Variants in NOX4 observed in about 807,000 individuals in gnomAD.
The protein encoded by NOX4 is NADPH oxidase 4, also known as kidney oxidase-1.
A neutral mutation model predicts 87.6 loss-of-function variants in NOX4; 69 were observed. The observed-to-expected ratio is 0.79, with a 90% confidence interval of 0.65 to 0.96. NOX4 has a LOEUF of 0.96. Ranked by LOEUF, NOX4 falls within the 40% of genes least tolerant of loss-of-function variation. The pLI, the probability that NOX4 is intolerant of heterozygous loss-of-function variation, is 0.00. For synonymous variants in NOX4, 275 were observed against 238.2 expected, an observed-to-expected ratio of 1.15 and a Z score of -1.42; for missense variants, 680 against 681.5, an observed-to-expected ratio of 1.00 and a Z score of 0.02.
chr11:89,485,224 G>T (rs1241229754), intron 2 of NOX4, among the ~76,000 whole-genome samples: 1 of 152,054 alleles, frequency 6.6e-6, no homozygotes, highest in East Asian at 1.9e-4. Context: ...ATGCTCAAGA[G>T]CATAGATATT....
chr11:89,508,272 C>T, the NOX4 span, among the ~76,000 whole-genome samples: 2 of 152,174 alleles, frequency 1.3e-5, no homozygotes, highest in East Asian at 1.9e-4. Context: ...GTCTGTACTA[C>T]AGGTGTGATG....
chr11:89,540,927 G>T, the NOX4 span, among the ~76,000 whole-genome samples: 9 of 140,824 alleles, frequency 6.4e-5, no homozygotes, highest in Non-Finnish European at 1.2e-4. Context: ...TTAACAAACA[G>T]AATCCAAAAG....
At chr11:89,479,124 T>C (rs146578640) in intron 2 of NOX4, among the ~76,000 whole-genome samples, 428 of 152,212 alleles carry the variant, frequency 2.8e-3, no homozygotes, top group African/African-American at 9.7e-3. Flanking sequence ...TCTACAACTT[T>C]CTCATCTTAT....
chr11:89,499,640 C>T (rs1245241859), upstream of NOX4, among the ~76,000 whole-genome samples: 2 of 152,142 alleles, frequency 1.3e-5, no homozygotes, highest in African/African-American at 4.8e-5. Context: ...TGTTTCCATT[C>T]TCACAATTGG....
chr11:89,402,229 T>C (rs1941899581), intron 9 of NOX4, 97 bp downstream of exon 9: 3 of 856,196 alleles, frequency 3.5e-6, no homozygotes, highest in Non-Finnish European at 5.8e-6. Flanking sequence ...TATCCTATTA[T>C]GCATGAATAT....
At chr11:89,518,148 A>G in the NOX4 span, among the ~76,000 whole-genome samples, 1 of 152,126 alleles carries the variant, frequency 6.6e-6, no homozygotes, top group African/African-American at 2.4e-5. Context: ...GTTGAAACAC[A>G]CTTAAGAATT....
At chr11:89,501,503 T>C (rs779133674), upstream of NOX4, among the ~76,000 whole-genome samples, 3 of 152,072 alleles carry the variant, frequency 2.0e-5, no homozygotes, top group Non-Finnish European at 4.4e-5. Context: ...AAGATTGTTT[T>C]TGCTGTGGTT....
chr11:89,576,005 C>A, the NOX4 span, among the ~76,000 whole-genome samples: 1 of 152,186 alleles, frequency 6.6e-6, no homozygotes, highest in African/African-American at 2.4e-5. Context: ...GCTAACAAGA[C>A]TGTATTTCTC....
intron 8 of NOX4, among the ~76,000 whole-genome samples, chr11:89,413,680 G>A (rs1303473211): frequency 6.6e-6 from 1 of 152,080 alleles, no homozygotes; most frequent in Non-Finnish European, 1.5e-5. Flanking sequence ...CTGCGAATGA[G>A]AGGGGGAGAA....
rs1946848653 is a variant in NOX4 at position 89,491,360 on chromosome 11, G to A, written c.-114C>T. 1.0e-6 allele frequency: 1 copy of A among 1,000,074 alleles called. No homozygotes were observed. The highest frequency in any genetic ancestry group is 3.0e-5 in the Admixed American group (1 of 33,854). 62.0% of individuals were successfully genotyped at this position (1,000,074 alleles called of 1,614,324 possible). On this transcript the variant is annotated 5_prime_UTR_variant, in exon 1 of 18. Transcript: ENST00000263317. ...TGCCGGGCCGCTGAGCGAGGACCGA[G>A]GGTCAAAGACTGAGTGGAAGCCCGA...
At chr11:89,567,034 C>T in the NOX4 span, among the ~76,000 whole-genome samples, 154 of 152,258 alleles carry the variant, frequency 1.0e-3, no homozygotes, top group African/African-American at 3.6e-3. Context: ...TGCACATCCT[C>T]CAAGGCTTAC....
intron 12 of NOX4, among the ~76,000 whole-genome samples, 155 bp downstream of exon 12, chr11:89,373,277 C>CAAAAAAAAAAAAAAAAAAAAAAAAAAAA (rs144113376): frequency 1.7e-5 from 1 of 59,100 alleles, no homozygotes; most frequent in Non-Finnish European, 3.5e-5. Context: ...ACTGTACAAG[C>CAAAAAAAAAAAAAAAAAAAAAAAAAAAA]AAAAAAAAAA....
chr11:89,433,547 A>G (rs1215916042), intron 6 of NOX4, among the ~76,000 whole-genome samples: 2 of 152,008 alleles, frequency 1.3e-5, no homozygotes, highest in Admixed American at 1.3e-4. Flanking sequence ...TTCAATTTCA[A>G]TTAACTGCTT....
chr11:89,337,382 A>G (rs1343875810), intron 16 of NOX4, 65 bp downstream of exon 16: 1 of 1,600,188 alleles, frequency 6.2e-7, no homozygotes, highest in Non-Finnish European at 8.5e-7. Context: ...TTCTTCCACC[A>G]CAGCTCCTAC....
chr11:89,569,195 A>C, the NOX4 span, among the ~76,000 whole-genome samples: 24 of 152,192 alleles, frequency 1.6e-4, no homozygotes, highest in East Asian at 2.3e-3. Context: ...AAAAAAAAAA[A>C]CAAAAATGGA....
At chr11:89,373,702 A>G (rs1213943516) in intron 11 of NOX4, among the ~76,000 whole-genome samples, 2 of 152,060 alleles carry the variant, frequency 1.3e-5, no homozygotes, top group Non-Finnish European at 2.9e-5. Context: ...CTAAAACCCA[A>G]AAATACTTAT....
At chr11:89,477,736 G>A (rs1946226854) in intron 2 of NOX4, among the ~76,000 whole-genome samples, 1 of 151,504 alleles carries the variant, frequency 6.6e-6, no homozygotes, top group Admixed American at 6.6e-5. Context: ...TATAAAATGG[G>A]TCTTTTTCAT....
intron 2 of NOX4, among the ~76,000 whole-genome samples, chr11:89,477,891 T>C (rs1480579131): frequency 2.0e-5 from 3 of 152,164 alleles, no homozygotes; most frequent in Non-Finnish European, 4.4e-5. Flanking sequence ...AAATAATATA[T>C]ACTGTCATTG....
intron 17 of NOX4, among the ~76,000 whole-genome samples, chr11:89,327,453 T>A (rs569550672): frequency 6.6e-6 from 1 of 152,362 alleles, no homozygotes; most frequent in East Asian, 1.9e-4. Flanking sequence ...AGTTCTTTTT[T>A]ATTTATGCAC....
Sources: gnomAD v4.1 joint callset for allele counts (sites outside exome capture counted in the v4.1 genomes callset) on GRCh38, gnomAD v4.1.1 for gene constraint, MANE v1.5 for transcripts, NCBI Gene and HGNC (gene_info 2026-07-23, HGNC 2026-07-21) for gene names.